Variants in DTNB observed in about 807,000 individuals in gnomAD.
The protein encoded by DTNB is DTN-B.
DTNB carries 63 observed loss-of-function variants against 90.7 expected under a neutral mutation model. The ratio of observed to expected loss-of-function variants is 0.69; its 90% CI spans 0.57 to 0.86. DTNB has a LOEUF of 0.86. Ranked by LOEUF, DTNB falls within the 40% of genes least tolerant of loss-of-function variation. The pLI, the probability that DTNB is intolerant of heterozygous loss-of-function variation, is 0.00. For synonymous variants in DTNB, 277 were observed against 286.7 expected (o/e 0.97, Z 0.34); for missense variants, 744 against 807.1 (o/e 0.92, Z 0.95).
intron 6 of DTNB, among the ~76,000 whole-genome samples, chr2:25,589,194 T>C (rs939268021): frequency 6.6e-6 from 1 of 152,114 alleles, no homozygotes; most frequent in Non-Finnish European, 1.5e-5. Context: ...TAATCCCATT[T>C]TTATACAATT....
At chr2:25,421,447 C>T (rs572563916) in intron 15 of DTNB, among the ~76,000 whole-genome samples, 65 of 152,362 alleles carry the variant, frequency 4.3e-4, no homozygotes, top group Non-Finnish European at 7.1e-4. Context: ...GGAATTAGAG[C>T]GCTTCTGCTT....
At chr2:25,512,647 G>A (rs1037562665) in intron 9 of DTNB, among the ~76,000 whole-genome samples, 1 of 152,210 alleles carries the variant, frequency 6.6e-6, no homozygotes, top group Admixed American at 6.5e-5. Flanking sequence ...ATCCATATGA[G>A]TTAGCTACTT....
intron 8 of DTNB, among the ~76,000 whole-genome samples, chr2:25,537,911 A>C (rs2080201471): frequency 6.6e-6 from 1 of 152,196 alleles, no homozygotes; most frequent in Admixed American, 6.5e-5. Context: ...ATGCTCTTTA[A>C]GGTCTCTGTA....
chr2:25,400,201 C>A (rs528771319), intron 16 of DTNB, among the ~76,000 whole-genome samples: 6 of 152,140 alleles, frequency 3.9e-5, no homozygotes, highest in Admixed American at 6.5e-5. Flanking sequence ...GTCTGAGAAA[C>A]CTTCTGTGCA....
At chr2:25,516,688 G>A (rs571532822) in intron 9 of DTNB, among the ~76,000 whole-genome samples, 11 of 151,964 alleles carry the variant, frequency 7.2e-5, no homozygotes, top group South Asian at 4.2e-4. Context: ...TCAGGAGTTC[G>A]AGACCAGCCT....
At chr2:25,545,677 A>C (rs935540773) in intron 8 of DTNB, among the ~76,000 whole-genome samples, 1 of 152,214 alleles carries the variant, frequency 6.6e-6, no homozygotes, top group African/African-American at 2.4e-5. Flanking sequence ...GCTGGAGTGC[A>C]GTGGTACGAT....
At chr2:25,522,531 T>C (rs971387052) in intron 9 of DTNB, among the ~76,000 whole-genome samples, 1 of 152,276 alleles carries the variant, frequency 6.6e-6, no homozygotes, top group Middle Eastern at 3.4e-3. Context: ...CCAGCCTTTG[T>C]GGAGTTTACA....
Position 25,619,296 on chromosome 2 carries a change from T to TA in DTNB, c.362+8874dup, listed in dbSNP as rs143282022. Among the ~76,000 whole-genome samples the TA allele has an allele frequency of 6.3e-3, 955 of 152,316 alleles. 5 individuals are homozygous for TA. The highest frequency in any genetic ancestry group is 0.022 in the African/African-American group (903 of 41,576). ...AACACTATTACCAGTCCGATTATCA[T>TA]ATGTAGCTAAACGTAATAAGAGCAT... On this transcript the variant is annotated intron_variant, in intron 4 of 20. Coordinates refer to ENST00000406818, the MANE Select transcript of DTNB (RefSeq NM_021907.5).
chr2:25,433,066 T>A, intron 13 of DTNB, 67 bp from the exon 14 acceptor site: 1 of 1,447,018 alleles, frequency 6.9e-7, no homozygotes, highest in African/African-American at 1.4e-5. Context: ...TCTTTCCCTA[T>A]TACAACTTTT....
At chr2:25,519,133 T>A (rs2075685614) in intron 9 of DTNB, among the ~76,000 whole-genome samples, 1 of 151,908 alleles carries the variant, frequency 6.6e-6, no homozygotes, top group South Asian at 2.1e-4. Flanking sequence ...GAGGCTGAGG[T>A]GTGAGGACTT....
At chr2:25,541,539 G>A (rs1429312843) in intron 8 of DTNB, among the ~76,000 whole-genome samples, 1 of 151,988 alleles carries the variant, frequency 6.6e-6, no homozygotes, top group Admixed American at 6.6e-5. Context: ...GTTCAGTAGG[G>A]TGAAGTATAT....
chr2:25,392,110 A>G (rs1434891873), intron 16 of DTNB, among the ~76,000 whole-genome samples: 1 of 152,058 alleles, frequency 6.6e-6, no homozygotes, highest in Non-Finnish European at 1.5e-5. Context: ...AAAACAATAC[A>G]AAAGATAAAT....
At position 25,540,473 on chromosome 2, in the gene DTNB, T is replaced by TTTA. The variant is rs894658531; in HGVS notation, c.877-8879_877-8877dup. Among the ~76,000 whole-genome samples, 738 of 152,020 alleles carry TTTA rather than the reference T, an allele frequency of 4.9e-3. 4 individuals carry two copies. Among genetic ancestry groups the TTTA allele is most frequent in the African/African-American group, 0.015 (622 of 41,474 alleles). ...GCATAAAATTCACCATCGCAATCAT[T>TTTA]TTATTATTATTATTATTATTTTAGA... On this transcript the variant is annotated intron_variant, in intron 8 of 20. Coordinates refer to ENST00000406818, the MANE Select transcript of DTNB (RefSeq NM_021907.5).
chr2:25,413,338 C>T lies in DTNB; in HGVS notation c.1575+6177G>A, dbSNP rs1431128476. 2.0e-5 allele frequency among the ~76,000 whole-genome samples: 3 copies of T among 151,838 alleles called. 1 individual carries two copies. The South Asian group carries it at 6.2e-4, about 32-fold the overall frequency. On this transcript the variant is annotated intron_variant, in intron 16 of 20. Coordinates refer to ENST00000406818, the MANE Select transcript of DTNB (RefSeq NM_021907.5). ...CGTGCAGGTTTGTTACATATGTATA[C>T]ATCTGCCATGTTGGTGTGCTGCACC... is the stretch of plus-strand genomic sequence containing the variant.
intron 9 of DTNB, among the ~76,000 whole-genome samples, chr2:25,521,386 A>ATTTT (rs58602052): frequency 7.2e-6 from 1 of 137,944 alleles, no homozygotes; most frequent in Non-Finnish European, 1.6e-5. Flanking sequence ...TGTCCCAATA[A>ATTTT]TTTTTTTTTT....
At chr2:25,396,246 C>T (rs150268950) in intron 16 of DTNB, among the ~76,000 whole-genome samples, 2 of 152,330 alleles carry the variant, frequency 1.3e-5, no homozygotes, top group African/African-American at 4.8e-5. Context: ...GAATGATACA[C>T]TGGTCTGCAA....
At chr2:25,414,490 G>C (rs1025353903) in intron 16 of DTNB, among the ~76,000 whole-genome samples, 1 of 152,098 alleles carries the variant, frequency 6.6e-6, no homozygotes, top group South Asian at 2.1e-4. Flanking sequence ...TCCTGACCTC[G>C]TGATTCACCT....
rs549223205 is a variant in DTNB at position 25,572,746 on chromosome 2, T to C, written c.876+4092A>G. 1.3e-4 allele frequency among the ~76,000 whole-genome samples: 20 copies of C among 152,150 alleles called. 1 individual carries two copies. In the South Asian group the frequency reaches 3.5e-3, roughly 27 times the overall value. On this transcript the variant is annotated intron_variant, in intron 8 of 20. Coordinates refer to ENST00000406818, the MANE Select transcript of DTNB (RefSeq NM_021907.5). The stretch of plus-strand genomic sequence containing the variant: ...GCTCATAATTTCTTTGCCAATGTAA[T>C]TCCCTCAGAAACTTAGTAGGCCTTT...
chr2:25,511,555 C>T (rs2073950302), intron 9 of DTNB, among the ~76,000 whole-genome samples: 2 of 152,178 alleles, frequency 1.3e-5, no homozygotes, highest in South Asian at 4.1e-4. Context: ...TGGTCTCGAA[C>T]TCCTGACCTC....
Sources: allele counts gnomAD v4.1 joint callset (sites outside exome capture counted in the v4.1 genomes callset), GRCh38; gene constraint gnomAD v4.1.1; transcripts MANE v1.5; gene names NCBI Gene and HGNC (gene_info 2026-07-23, HGNC 2026-07-21).